Variants in PRICKLE2 observed in about 807,000 individuals in gnomAD.
PRICKLE2 encodes the protein prickle planar cell polarity protein 2.
A neutral mutation model predicts 81.4 loss-of-function variants in PRICKLE2; 21 were observed. That is an observed-to-expected ratio of 0.26 (90% CI 0.18 to 0.37). The LOEUF is 0.37. Ranked by LOEUF, PRICKLE2 falls within the 10% of genes least tolerant of loss-of-function variation. The pLI, the probability that PRICKLE2 is intolerant of heterozygous loss-of-function variation, is 1.00. For missense variants in PRICKLE2, 940 were observed against 1,109.0 expected (o/e 0.85, Z 2.16); for synonymous variants, 456 against 421.5 (o/e 1.08, Z -1.00).
At chr3:64,215,583 G>A (rs562146188) in intron 1 of PRICKLE2, among the ~76,000 whole-genome samples, 16 of 152,238 alleles carry the variant, frequency 1.1e-4, no homozygotes, top group South Asian at 2.1e-4. Flanking sequence ...TGACCAAAGC[G>A]TAAATTTTAT....
rs951062292 is a variant in PRICKLE2, at chr3:64,203,213, A to C, written c.-40-4246T>G. ...ACCTTGGATCTCGTTTGCATCTCCAACTCAAAGAAGTTCCATCCAAACCCT... is the reference window on the plus strand; with the variant it reads ...ACCTTGGATCTCGTTTGCATCTCCACCTCAAAGAAGTTCCATCCAAACCCT... On this transcript the variant is annotated intron_variant, in intron 1 of 7. Transcript: ENST00000638394. 5.3e-5 allele frequency among the ~76,000 whole-genome samples: 8 copies of C among 152,280 alleles called. No homozygotes were observed. The South Asian group carries it at 8.3e-4, about 16-fold the overall frequency.
At chr3:64,137,592 G>T (rs1324689912) in intron 7 of PRICKLE2, among the ~76,000 whole-genome samples, 3 of 152,114 alleles carry the variant, frequency 2.0e-5, no homozygotes, top group African/African-American at 7.2e-5. Flanking sequence ...AAAATGTCAG[G>T]GAGACCACAA....
chr3:64,244,217 G>A (rs898868891), intron 2 of PRICKLE2, among the ~76,000 whole-genome samples: 10 of 152,148 alleles, frequency 6.6e-5, no homozygotes, highest in African/African-American at 9.7e-5. Context: ...AACACCTTCT[G>A]TTTAATTTTA....
At position 64,099,973 on chromosome 3, in the gene PRICKLE2, A is replaced by G. The variant is rs2076630042; in HGVS notation, c.1661-48T>C. 6.3e-7 allele frequency: 1 copy of G among 1,587,612 alleles called. No individual in the cohort carries two copies. Among genetic ancestry groups the G allele is most frequent in the Admixed American group, 1.7e-5 (1 of 59,968 alleles). ...ACAGAGATTAATACAGATGTGCAGC[A>G]ATGGGTATCACTGTCACTGCTGGTC... On this transcript the variant is annotated intron_variant, in intron 7 of 7. Transcript: ENST00000638394. The surrounding 1 kb of genome is among the most constrained non-coding windows in gnomAD (Gnocchi z 4.3).
rs188786592 is a variant in PRICKLE2 at position 64,195,356 on chromosome 3, G to A, written c.144+3428C>T. Among the ~76,000 whole-genome samples the A allele has an allele frequency of 7.4e-4, 112 of 152,244 alleles. 3 individuals are homozygous for A. The East Asian group carries it at 0.018, about 24-fold the overall frequency. On this transcript the variant is annotated intron_variant, in intron 2 of 7. Coordinates refer to ENST00000638394, the MANE Select transcript of PRICKLE2 (RefSeq NM_198859.4). ...CTTCCCTAAAAGGGAGGGGACTTTC[G>A]TTTACATTATATTCAATTGAAGGCA...
At chr3:64,265,649 A>G (rs1010675362) in intron 2 of PRICKLE2, among the ~76,000 whole-genome samples, 8 of 152,154 alleles carry the variant, frequency 5.3e-5, no homozygotes, top group African/African-American at 1.9e-4. Flanking sequence ...CCCATTTTCT[A>G]TATTGTTGAT....
intron 7 of PRICKLE2, among the ~76,000 whole-genome samples, chr3:64,143,214 T>C (rs968122002): frequency 2.6e-5 from 4 of 152,224 alleles, no homozygotes; most frequent in Non-Finnish European, 5.9e-5. Context: ...GTACTTAAAA[T>C]GTGTCTAGTG....
chr3:64,224,845 T>A (rs969836646), intron 1 of PRICKLE2, 65 bp downstream of exon 1: 23 of 935,262 alleles, frequency 2.5e-5, no homozygotes, highest in Non-Finnish European at 2.7e-5. Context: ...AGATCTGGCT[T>A]TCTCATCCTC....
chr3:64,196,206 C>T (rs2078450408), intron 2 of PRICKLE2, among the ~76,000 whole-genome samples: 1 of 152,168 alleles, frequency 6.6e-6, no homozygotes. Flanking sequence ...TCTGAATCTG[C>T]ATTTCAGGGA....
chr3:64,123,101 G>A (rs2077051375), intron 7 of PRICKLE2, among the ~76,000 whole-genome samples: 1 of 152,174 alleles, frequency 6.6e-6, no homozygotes, highest in Non-Finnish European at 1.5e-5. Flanking sequence ...TGATGGAAGT[G>A]CAACTGATCC....
At chr3:64,244,977 T>C (rs2079324618) in intron 2 of PRICKLE2, among the ~76,000 whole-genome samples, 1 of 152,160 alleles carries the variant, frequency 6.6e-6, no homozygotes, top group African/African-American at 2.4e-5. Context: ...TTTTCAATCA[T>C]AGATGCCTAC....
At chr3:64,178,993 T>TTC (rs1336403232) in intron 2 of PRICKLE2, among the ~76,000 whole-genome samples, 3 of 146,688 alleles carry the variant, frequency 2.0e-5, no homozygotes, top group African/African-American at 7.8e-5. Flanking sequence ...CTTTCTTTCT[T>TTC]TCTTTCTTTC....
At chr3:64,155,769 G>C (rs1052683141) in intron 5 of PRICKLE2, among the ~76,000 whole-genome samples, 4 of 152,164 alleles carry the variant, frequency 2.6e-5, no homozygotes, top group Non-Finnish European at 5.9e-5. Flanking sequence ...AAAGAAACCA[G>C]ACTTGAAAGG....
chr3:64,182,534 C>T (rs1376888834), intron 2 of PRICKLE2: 2 of 151,204 alleles, frequency 1.3e-5, no homozygotes, highest in Non-Finnish European at 2.9e-5. Context: ...GGAGTGGGTT[C>T]ATCTCTTCTG....
At chr3:64,139,658 C>T (rs1350020563) in intron 7 of PRICKLE2, among the ~76,000 whole-genome samples, 5 of 152,158 alleles carry the variant, frequency 3.3e-5, no homozygotes, top group African/African-American at 7.2e-5. Context: ...AAGGGTTTTC[C>T]GTTGCCCTTA....
At chr3:64,200,547 T>C (rs1442455862) in intron 1 of PRICKLE2, 1 of 152,102 alleles carries the variant, frequency 6.6e-6, no homozygotes. Context: ...CTTGACCTCC[T>C]GGGCTCAAGC....
intron 5 of PRICKLE2, among the ~76,000 whole-genome samples, chr3:64,155,741 T>C (rs1252539781): frequency 4.6e-5 from 7 of 152,120 alleles, no homozygotes; most frequent in Non-Finnish European, 7.4e-5. Context: ...TGGATTAACA[T>C]TGGAAACACG....
intron 2 of PRICKLE2, among the ~76,000 whole-genome samples, chr3:64,178,225 TTCAG>T (rs1378132001): frequency 2.6e-5 from 4 of 152,236 alleles, no homozygotes; most frequent in Admixed American, 2.6e-4. Flanking sequence ...ATTGAAGTCC[TTCAG>T]TCATCTTTTA....
intron 1 of PRICKLE2, among the ~76,000 whole-genome samples, chr3:64,205,052 T>A (rs889725569): frequency 4.7e-5 from 7 of 149,782 alleles, no homozygotes; most frequent in Admixed American, 2.7e-4. Flanking sequence ...GCTTTTTTTT[T>A]AAATAGACAT....
Sources: gnomAD v4.1 joint callset for allele counts (sites outside exome capture counted in the v4.1 genomes callset) on GRCh38, gnomAD v4.1.1 for gene constraint, Gnocchi (gnomAD v3.1) non-coding constraint, MANE v1.5 for transcripts, NCBI Gene and HGNC (gene_info 2026-07-23, HGNC 2026-07-21) for gene names.